Variants in PARVB observed in about 807,000 individuals in gnomAD.
The protein encoded by PARVB is parvin beta.
In PARVB, 46 loss-of-function variants were observed where a neutral mutation model predicts 47.0. The observed-to-expected ratio is 0.98, with a 90% confidence interval of 0.77 to 1.25. The LOEUF (loss-of-function observed/expected upper bound fraction) is 1.25. Among genes scored for constraint, PARVB ranks in the 50% most tolerant of loss-of-function variants. The pLI, the probability that PARVB is intolerant of heterozygous loss-of-function variation, is 0.00. For missense variants in PARVB, 473 were observed against 471.6 expected, an observed-to-expected ratio of 1.00 and a Z score of -0.03; for synonymous variants, 196 against 196.3, an observed-to-expected ratio of 1.00 and a Z score of 0.01.
chr22:44,031,785 G>A (rs573564710), intron 1 of PARVB, among the ~76,000 whole-genome samples: 1 of 152,194 alleles, frequency 6.6e-6, no homozygotes, highest in East Asian at 1.9e-4. Flanking sequence ...GATGTAAGTG[G>A]GTTCATCCCT....
chr22:44,099,487 G>A (rs1412135800), intron 2 of PARVB, among the ~76,000 whole-genome samples: 1 of 152,032 alleles, frequency 6.6e-6, no homozygotes, highest in Non-Finnish European at 1.5e-5. Flanking sequence ...GAAAGAGGGT[G>A]AGGCTGAACA....
At chr22:44,092,104 CAT>C (rs2052182562) in intron 1 of PARVB, among the ~76,000 whole-genome samples, 1 of 151,988 alleles carries the variant, frequency 6.6e-6, no homozygotes, top group Non-Finnish European at 1.5e-5. Context: ...TGTGCGGAAA[CAT>C]GGGTTATTTC....
intron 3 of PARVB, chr22:44,102,829 T>A (rs1168811408): frequency 1.3e-5 from 2 of 152,324 alleles, no homozygotes; most frequent in African/African-American, 2.4e-5. Context: ...CTAGCCTGGG[T>A]GACAGAGCAA....
intron 4 of PARVB, 49 bp downstream of exon 4, chr22:44,119,189 C>T (rs368239280): frequency 7.7e-6 from 10 of 1,306,520 alleles, no homozygotes; most frequent in African/African-American, 4.4e-5. Flanking sequence ...CTCCCTGCAG[C>T]GGCCCTGGGC....
intron 7 of PARVB, among the ~76,000 whole-genome samples, chr22:44,137,829 C>G (rs745688311): frequency 1.3e-5 from 2 of 152,124 alleles, no homozygotes; most frequent in African/African-American, 4.8e-5. Flanking sequence ...CTTGGACATC[C>G]ATACCTATGT....
chr22:44,140,665 C>T (rs1338250996), intron 8 of PARVB: 1 of 505,904 alleles, frequency 2.0e-6, no homozygotes, highest in African/African-American at 1.9e-5. Flanking sequence ...CTCTGCTCCT[C>T]ATCCGTGAAA....
intron 1 of PARVB, among the ~76,000 whole-genome samples, chr22:44,027,212 C>A (rs1313092589): frequency 6.6e-6 from 1 of 152,150 alleles, no homozygotes; most frequent in Non-Finnish European, 1.5e-5. Flanking sequence ...TTGGGTTCAG[C>A]TTTACTGGGG....
rs1391383981 is a variant in PARVB at position 44,069,217 on chromosome 22, CTTCTT to C, written c.113-24701_113-24697del. 1.1e-5 allele frequency: 17 copies of C among 1,498,144 alleles called. No individual in the cohort carries two copies. In the African/African-American group the frequency reaches 1.2e-4, roughly 11 times the overall value. 92.8% of individuals were successfully genotyped at this position (1,498,144 alleles called of 1,614,324 possible). On this transcript the variant is annotated intron_variant, in intron 1 of 12. Coordinates refer to ENST00000338758, the MANE Select transcript of PARVB (RefSeq NM_013327.5). The stretch of plus-strand genomic sequence containing the variant: ...AGCAGGAGCTAAACCCAGGCCAGCC[CTTCTT>C]TTCTTTTCTGCTTTATGGCAGAATT...
At chr22:44,147,328 C>G in intron 8 of PARVB, 1 of 239,596 alleles carries the variant, frequency 4.2e-6, no homozygotes, top group South Asian at 5.9e-5. Flanking sequence ...ACAAATGATC[C>G]TGTTTGCACT....
intron 1 of PARVB, chr22:44,026,315 C>G (rs1269326010): frequency 1.2e-5 from 12 of 985,418 alleles, no homozygotes; most frequent in Non-Finnish European, 1.4e-5. Context: ...CTGAATAGAA[C>G]GGGCGTGGAG....
intron 7 of PARVB, among the ~76,000 whole-genome samples, chr22:44,137,410 T>G (rs1478655757): frequency 6.6e-6 from 1 of 152,204 alleles, no homozygotes; most frequent in African/African-American, 2.4e-5. Context: ...ACAGTGGGCC[T>G]TTGGCAGCAG....
At chr22:44,083,487 T>C (rs1486641639) in intron 1 of PARVB, among the ~76,000 whole-genome samples, 1 of 152,136 alleles carries the variant, frequency 6.6e-6, no homozygotes, top group African/African-American at 2.4e-5. Context: ...CATTGTCATG[T>C]GCACGGGGAG....
intron 2 of PARVB, chr22:44,010,550 A>G (rs1467037915): frequency 6.6e-6 from 1 of 152,254 alleles, no homozygotes; most frequent in African/African-American, 2.4e-5. Context: ...TTTTGGAAGT[A>G]CTGTGCTGAT....
At chr22:44,009,637 CAT>C (rs2146851272) in intron 2 of PARVB, 2 of 150,394 alleles carry the variant, frequency 1.3e-5, no homozygotes, top group Admixed American at 1.3e-4. Context: ...ATGTTTATTA[CAT>C]ATATATAAAA....
chr22:44,051,283 C>G (rs1246915020), intron 1 of PARVB, among the ~76,000 whole-genome samples: 2 of 152,196 alleles, frequency 1.3e-5, no homozygotes, highest in Non-Finnish European at 2.9e-5. Context: ...AGAAGGGGAG[C>G]CCTGCAAAGC....
intron 1 of PARVB, among the ~76,000 whole-genome samples, chr22:44,051,355 C>G (rs994468787): frequency 6.6e-6 from 1 of 152,098 alleles, no homozygotes; most frequent in Non-Finnish European, 1.5e-5. Flanking sequence ...GGGGACTGTT[C>G]GGCTGGCCAC....
chr22:44,119,725 C>T (rs1205617621), intron 4 of PARVB: 6 of 506,792 alleles, frequency 1.2e-5, no homozygotes, highest in South Asian at 4.4e-5. Context: ...TTGAAACAGA[C>T]GTGGTCCCTG....
intron 1 of PARVB, among the ~76,000 whole-genome samples, chr22:44,038,029 T>C (rs2050951254): frequency 6.6e-6 from 1 of 152,190 alleles, no homozygotes; most frequent in Admixed American, 6.5e-5. Context: ...GTGGGTCCCA[T>C]GATCTTCCTT....
chr22:44,139,938 T>C, intron 7 of PARVB, 186 bp from the exon 8 acceptor site: 1 of 385,556 alleles, frequency 2.6e-6, no homozygotes, highest in Non-Finnish European at 4.8e-6. Context: ...CAAGCACCTC[T>C]CGTTTATAAT....
Sources: gnomAD v4.1 joint callset for allele counts (sites outside exome capture counted in the v4.1 genomes callset) on GRCh38, gnomAD v4.1.1 for gene constraint, MANE v1.5 for transcripts, NCBI Gene and HGNC (gene_info 2026-07-23, HGNC 2026-07-21) for gene names.